Variants in C5orf22 observed in about 807,000 individuals in gnomAD.
The protein encoded by C5orf22 is chromosome 5 open reading frame 22, also known as UPF0489 protein C5orf22.
Under a neutral mutation model 48.7 loss-of-function variants are expected in C5orf22, and 36 were observed. The observed-to-expected ratio is 0.74, with a 90% CI of 0.57 to 0.98. The LOEUF (loss-of-function observed/expected upper bound fraction) is 0.98, where lower values mean the gene tolerates loss of function less well. Among genes scored for constraint, C5orf22 ranks in the 50% least tolerant of loss-of-function variants. The pLI is 0.00. For missense variants in C5orf22, 486 were observed against 521.9 expected, an observed-to-expected ratio of 0.93 and a Z score of 0.67; for synonymous variants, 141 against 180.8, an observed-to-expected ratio of 0.78 and a Z score of 1.76.
rs1742449871 is a variant in C5orf22 at position 31,541,305 on chromosome 5, A to G, written c.895A>G (p.Thr299Ala). 1.2e-6 allele frequency: 2 copies of G among 1,609,566 alleles called. No individual in the cohort carries two copies. The highest frequency in any genetic ancestry group is 1.7e-6 in the Non-Finnish European group (2 of 1,175,968). Residue 299 changes from threonine to alanine, a missense_variant, in exon 6 of 9, where the codon ACT becomes GCT. Transcript: ENST00000325366. ...TEEDLVDIVD[T>A]RIHQLEDLEA... ...GGAAGATTTGGTAGATATTGTTGAT[A>G]CTCGAATTCATCAATTAGAGGATTT... is the stretch of plus-strand genomic sequence containing the variant.
intron 4 of C5orf22, among the ~76,000 whole-genome samples, chr5:31,540,110 A>ATTAGC (rs1158549988): frequency 1.3e-5 from 2 of 152,204 alleles, no homozygotes; most frequent in Non-Finnish European, 2.9e-5. Flanking sequence ...TCTACTGCTT[A>ATTAGC]TTAGCTATAT....
rs190458766 is a variant in C5orf22, at chr5:31,543,525, G to A, written c.993-2121G>A. Among the ~76,000 whole-genome samples, 396 of 152,134 alleles carry A rather than the reference G, an allele frequency of 2.6e-3. 2 individuals carry two copies. Among genetic ancestry groups the A allele is most frequent in the Non-Finnish European group, 3.7e-3 (250 of 67,982 alleles). ...GTCAAGGCTGCAGTGAGCTGAGATC[G>A]CACCACTGCTCTCCAGCCTGGGTGA... On this transcript the variant is annotated intron_variant, in intron 6 of 8. Transcript: ENST00000325366.
chr5:31,542,837 C>T (rs16901262), intron 6 of C5orf22, among the ~76,000 whole-genome samples: 2,343 of 152,272 alleles, frequency 0.015, 68 homozygotes, highest in African/African-American at 0.054. Context: ...TAATCTCCCA[C>T]GAACTGTCAT....
intron 4 of C5orf22, among the ~76,000 whole-genome samples, chr5:31,540,204 T>C (rs1742366839): frequency 6.6e-6 from 1 of 152,222 alleles, no homozygotes; most frequent in African/African-American, 2.4e-5. Context: ...CAACTCAGGA[T>C]TGTTATAATG....
chr5:31,538,029 G>A (rs1742203720), intron 3 of C5orf22: 1 of 430,916 alleles, frequency 2.3e-6, no homozygotes. Flanking sequence ...TTAATCACAT[G>A]GCCACACCAG....
intron 1 of C5orf22, among the ~76,000 whole-genome samples, chr5:31,533,977 G>A (rs184930761): frequency 6.6e-6 from 1 of 152,284 alleles, no homozygotes; most frequent in Non-Finnish European, 1.5e-5. Context: ...CAGGCATTAA[G>A]CGGTAGTTTG....
chr5:31,534,634 T>A (rs549110702), intron 2 of C5orf22: 240 of 519,384 alleles, frequency 4.6e-4, no homozygotes, highest in African/African-American at 4.3e-3. Context: ...TGGTCTCTGT[T>A]GCAACTATTA....
intron 8 of C5orf22, 82 bp from the exon 9 acceptor site, chr5:31,552,691 G>A: frequency 1.6e-6 from 2 of 1,258,102 alleles, no homozygotes; most frequent in Non-Finnish European, 2.2e-6. Context: ...GTTTTACATT[G>A]AAATGAACAC....
At chr5:31,544,584 C>CA (rs1195756867) in intron 6 of C5orf22, among the ~76,000 whole-genome samples, 2,848 of 119,622 alleles carry the variant, frequency 0.024, 84 homozygotes, top group African/African-American at 0.077. Context: ...ACTCTTGTCT[C>CA]AAAAAAAAAA....
At chr5:31,534,438 T>C (rs1580432187) in intron 2 of C5orf22, 21 bp downstream of exon 2, 2 of 1,589,512 alleles carry the variant, frequency 1.3e-6, no homozygotes, top group East Asian at 2.2e-5. Flanking sequence ...ATTTTATTTA[T>C]GGTCTTTTGT....
rs1234223729 is a variant in C5orf22 at position 31,552,976 on chromosome 5, G to A, written c.*74G>A. On this transcript the variant is annotated 3_prime_UTR_variant, in exon 9 of 9. Coordinates refer to ENST00000325366, the MANE Select transcript of C5orf22 (RefSeq NM_018356.3). ...CCTTAATTAACTTATTTGTACATGA[G>A]TCTTCCAGAGAACACTGTTTTATAT... The A allele has an allele frequency of 7.5e-7, 1 of 1,325,152 alleles. No individual in the cohort carries two copies. Among genetic ancestry groups the A allele is most frequent in the Non-Finnish European group, 1.1e-6 (1 of 943,336 alleles). The allele number at this position is 1,325,152 out of a possible 1,614,324, so 82.1% of individuals were successfully genotyped here. A position where few individuals can be genotyped will look rare whatever the true frequency, so the allele number is the denominator to read the frequency against.
chr5:31,532,854 T>A (rs1741680998), intron 1 of C5orf22, among the ~76,000 whole-genome samples: 1 of 152,102 alleles, frequency 6.6e-6, no homozygotes, highest in African/African-American at 2.4e-5. Flanking sequence ...GATGGGAGGC[T>A]TTATGCTTGG....
chr5:31,535,635 C>A, intron 2 of C5orf22, 109 bp from the exon 3 acceptor site: 1 of 804,406 alleles, frequency 1.2e-6, no homozygotes. Context: ...AGGAACCACT[C>A]TAGGGACCAC....
rs1743493446 is a variant in C5orf22, at chr5:31,554,749, ACT to A, written c.*1850_*1851del. On this transcript the variant is annotated 3_prime_UTR_variant, in exon 9 of 9. Transcript: ENST00000325366. Reference sequence around the variant, plus strand: ...TAGTCATTTATTATGATTCCCATGAACTCTGATATGATTCATTGTGGTTTTAA... The same window carrying A: ...TAGTCATTTATTATGATTCCCATGAACTGATATGATTCATTGTGGTTTTAA... 2 of 151,890 alleles carry A rather than the reference ACT, an allele frequency of 1.3e-5. No individual in the cohort carries two copies. Among genetic ancestry groups the A allele is most frequent in the Non-Finnish European group, 2.9e-5 (2 of 67,974 alleles). 9.4% of individuals were successfully genotyped at this position (151,890 alleles called of 1,614,324 possible).
intron 1 of C5orf22, among the ~76,000 whole-genome samples, chr5:31,533,905 TAAAGGAAAAA>T (rs1463920948): frequency 6.6e-6 from 1 of 151,932 alleles, no homozygotes; most frequent in East Asian, 1.9e-4. Context: ...TATCCCTTTT[TAAAGGAAAAA>T]AAAGAATACT....
intron 6 of C5orf22, among the ~76,000 whole-genome samples, chr5:31,542,126 GA>G (rs1433399556): frequency 1.3e-5 from 2 of 152,046 alleles, no homozygotes; most frequent in Admixed American, 1.3e-4. Flanking sequence ...CCTAACAACA[GA>G]AAAGTAAATT....
intron 3 of C5orf22, among the ~76,000 whole-genome samples, chr5:31,537,450 C>A (rs1006104094): frequency 6.6e-6 from 1 of 152,140 alleles, no homozygotes; most frequent in Non-Finnish European, 1.5e-5. Flanking sequence ...ATTAGTTTTA[C>A]TATGTCATTA....
At chr5:31,540,356 A>G (rs558571387) in intron 4 of C5orf22, among the ~76,000 whole-genome samples, 2 of 152,286 alleles carry the variant, frequency 1.3e-5, no homozygotes, top group East Asian at 1.9e-4. Flanking sequence ...TAGCTGTGCT[A>G]AACAAGGGGA....
At chr5:31,535,661 G>T (rs1742023459) in intron 2 of C5orf22, 83 bp from the exon 3 acceptor site, 1 of 1,101,332 alleles carries the variant, frequency 9.1e-7, no homozygotes, top group Non-Finnish European at 1.3e-6. Context: ...GAGACCTGTG[G>T]TCTTAAAATG....
Sources: allele counts gnomAD v4.1 joint callset (sites outside exome capture counted in the v4.1 genomes callset), GRCh38; gene constraint gnomAD v4.1.1; transcripts MANE v1.5; gene names NCBI Gene and HGNC (gene_info 2026-07-23, HGNC 2026-07-21).